MALRD1: variants seen among roughly 807,000 people sequenced by gnomAD.
MALRD1 encodes MAM and LDL receptor class A domain containing 1, also known as MAM and LDL-receptor class A domain-containing protein 1.
A neutral mutation model predicts 242.1 loss-of-function variants in MALRD1; 247 were observed. The observed-to-expected ratio is 1.02, with a 90% confidence interval of 0.92 to 1.13. The LOEUF (loss-of-function observed/expected upper bound fraction) is 1.13, where lower values mean the gene tolerates loss of function less well. MALRD1 is among the 50% of genes most tolerant of loss of function. MALRD1 has a pLI of 0.00. For synonymous variants in MALRD1, 995 were observed against 866.6 expected, an observed-to-expected ratio of 1.15 and a Z score of -2.60; for missense variants, 2,989 against 2,533.1, an observed-to-expected ratio of 1.18 and a Z score of -3.86.
At chr10:19,457,462 G>A (rs1359250758) in intron 29 of MALRD1, among the ~76,000 whole-genome samples, 1 of 152,102 alleles carries the variant, frequency 6.6e-6, no homozygotes, top group African/African-American at 2.4e-5. Flanking sequence ...AAGCTGCCCA[G>A]GGTGGATGTA....
intron 38 of MALRD1, among the ~76,000 whole-genome samples, chr10:19,700,143 A>G (rs1055027244): frequency 6.6e-6 from 1 of 152,040 alleles, no homozygotes; most frequent in Non-Finnish European, 1.5e-5. Flanking sequence ...ACCCACTGCA[A>G]TAGAAGACAC....
At chr10:19,183,087 T>C (rs368524374) in intron 14 of MALRD1, among the ~76,000 whole-genome samples, 14 of 148,938 alleles carry the variant, frequency 9.4e-5, no homozygotes, top group African/African-American at 2.7e-4. Context: ...GCAAACGACC[T>C]CCAGTTCTCT....
chr10:19,650,060 T>G (rs901577861), intron 36 of MALRD1, among the ~76,000 whole-genome samples: 1 of 152,076 alleles, frequency 6.6e-6, no homozygotes, highest in African/African-American at 2.4e-5. Context: ...TAAGCAGATA[T>G]GGAATCTTAG....
At chr10:19,618,332 C>G (rs1315592579) in intron 36 of MALRD1, among the ~76,000 whole-genome samples, 1 of 151,988 alleles carries the variant, frequency 6.6e-6, no homozygotes, top group Non-Finnish European at 1.5e-5. Flanking sequence ...AACTTATATT[C>G]CTTTGGGTAT....
In MALRD1 at chr10:19,209,547, G is replaced by A. The variant is rs762913209; in HGVS notation, c.2858G>A (p.Arg953His). The stretch of plus-strand genomic sequence containing the variant: ...TTCTATTACCACATGTTTGGAAAGC[G>A]CATTTATAGGTTGGCAATCTACCAA... Reference protein sequence around the residue: ...FRFYYHMFGKRIYRLAIYQRI... With the variant: ...FRFYYHMFGKHIYRLAIYQRI... Residue 953 changes from arginine (R) to histidine (H), a missense_variant, in exon 18 of 40, where the codon CGC (arginine) becomes CAC (histidine). By Grantham distance (29) the Arg-to-His change is conservative. Coordinates refer to ENST00000454679, the MANE Select transcript of MALRD1 (RefSeq NM_001142308.3). The A allele has an allele frequency of 7.5e-5, 116 of 1,550,664 alleles. 1 individual carries two copies. In the Admixed American group the frequency reaches 1.2e-3, roughly 16 times the overall value.
Position 19,689,755 on chromosome 10 carries a change from TC to T in MALRD1, c.6138-2526del, listed in dbSNP as rs1842744553. ...GTATGTCATTATTTATTGACATTCATCATTTTATCCCATGACAGTTTTGTGA... is the reference window on the plus strand; with the variant it reads ...GTATGTCATTATTTATTGACATTCATATTTTATCCCATGACAGTTTTGTGA... On this transcript the variant is annotated intron_variant, in intron 36 of 39. Transcript: ENST00000454679. Among the ~76,000 whole-genome samples, 5 of 152,182 alleles carry T rather than the reference TC, an allele frequency of 3.3e-5. No individual in the cohort carries two copies. In the South Asian group the frequency reaches 8.3e-4, roughly 25 times the overall value.
At chr10:19,106,893 T>C (rs535798994) in intron 5 of MALRD1, among the ~76,000 whole-genome samples, 1 of 152,106 alleles carries the variant, frequency 6.6e-6, no homozygotes, top group East Asian at 1.9e-4. Context: ...TGGCTTATTT[T>C]GTTTTTCAGG....
intron 26 of MALRD1, among the ~76,000 whole-genome samples, chr10:19,380,283 T>TC (rs1845783079): frequency 1.3e-5 from 2 of 151,302 alleles, no homozygotes; most frequent in Non-Finnish European, 2.9e-5. Flanking sequence ...CCTTCTTTTT[T>TC]TTTTTTTTTG....
At chr10:19,082,257 C>G (rs890510294) in intron 2 of MALRD1, among the ~76,000 whole-genome samples, 2 of 151,568 alleles carry the variant, frequency 1.3e-5, no homozygotes, top group Non-Finnish European at 2.9e-5. Flanking sequence ...TGGATTAATG[C>G]CAATGTAATT....
rs901704129 is a variant in MALRD1 at position 19,283,193 on chromosome 10, T to C, written c.3419+12T>C. On this transcript the variant is annotated intron_variant, in intron 21 of 39. Coordinates refer to ENST00000454679, the MANE Select transcript of MALRD1 (RefSeq NM_001142308.3). ...GTGGATCATACACAGTAAGTGACCA[T>C]GTATTTTGAATATCTCTCTTGGGAA... is the stretch of plus-strand genomic sequence containing the variant. 48 of 1,515,362 alleles carry C rather than the reference T, an allele frequency of 3.2e-5. No individual in the cohort carries two copies. The highest frequency in any genetic ancestry group is 4.2e-5 in the Non-Finnish European group (47 of 1,128,544). The allele number at this position is 1,515,362 out of a possible 1,614,324, so 93.9% of individuals were successfully genotyped here.
chr10:19,515,892 A>G (rs1833606364), intron 31 of MALRD1, among the ~76,000 whole-genome samples: 1 of 152,142 alleles, frequency 6.6e-6, no homozygotes, highest in African/African-American at 2.4e-5. Context: ...GCTGATAAGA[A>G]CGTTAGAACC....
intron 28 of MALRD1, among the ~76,000 whole-genome samples, chr10:19,431,492 G>C (rs1834125063): frequency 6.6e-6 from 1 of 152,040 alleles, no homozygotes; most frequent in Non-Finnish European, 1.5e-5. Context: ...ACTTTTATGA[G>C]TAGTAACATA....
chr10:19,185,814 AGTGTGT>A (rs5783657), intron 14 of MALRD1, among the ~76,000 whole-genome samples: 17 of 148,372 alleles, frequency 1.1e-4, no homozygotes, highest in Middle Eastern at 3.4e-3. Context: ...GTTTTGAGAT[AGTGTGT>A]GTGTGTGTGT....
chr10:19,363,944 G>C (rs1275947953), intron 26 of MALRD1, among the ~76,000 whole-genome samples: 1 of 152,026 alleles, frequency 6.6e-6, no homozygotes, highest in Non-Finnish European at 1.5e-5. Flanking sequence ...GCATTGCATT[G>C]CAGTAAAAAA....
intron 29 of MALRD1, among the ~76,000 whole-genome samples, chr10:19,482,686 C>CACACACACACAT (rs1837051614): frequency 6.6e-6 from 1 of 151,212 alleles, no homozygotes; most frequent in Non-Finnish European, 1.5e-5. Flanking sequence ...CACACACACA[C>CACACACACACAT]ACACATACAC....
At chr10:19,117,044 G>T (rs1159291655) in intron 5 of MALRD1, among the ~76,000 whole-genome samples, 1 of 150,396 alleles carries the variant, frequency 6.6e-6, no homozygotes, top group Admixed American at 6.6e-5. Context: ...GCAGTGAGCC[G>T]AGATTGTGCC....
intron 32 of MALRD1, among the ~76,000 whole-genome samples, chr10:19,533,305 T>A (rs1233043614): frequency 1.3e-5 from 2 of 152,202 alleles, no homozygotes; most frequent in Non-Finnish European, 2.9e-5. Flanking sequence ...TTACTGGTTT[T>A]TCTAACCAGA....
chr10:19,408,957 G>T (rs548206230), intron 28 of MALRD1, among the ~76,000 whole-genome samples: 1 of 152,292 alleles, frequency 6.6e-6, no homozygotes, highest in Non-Finnish European at 1.5e-5. Context: ...TTATCCCAGA[G>T]AAATGAAGAC....
Position 19,391,355 on chromosome 10 carries a change from T to C in MALRD1, c.4845+1746T>C, listed in dbSNP as rs1589010824. 1.3e-5 allele frequency among the ~76,000 whole-genome samples: 2 copies of C among 152,260 alleles called. 1 individual carries two copies. Among genetic ancestry groups the C allele is most frequent in the East Asian group, 3.9e-4 (2 of 5,184 alleles). On this transcript the variant is annotated intron_variant, in intron 28 of 39. Coordinates refer to ENST00000454679, the MANE Select transcript of MALRD1 (RefSeq NM_001142308.3). ...TGAATATTAGGGCAATCATTTCATC[T>C]TGGTGATTAATAAGATATGTATTTT...
Sources: gnomAD v4.1 joint callset for allele counts (sites outside exome capture counted in the v4.1 genomes callset) on GRCh38, gnomAD v4.1.1 for gene constraint, MANE v1.5 for transcripts, NCBI Gene and HGNC (gene_info 2026-07-23, HGNC 2026-07-21) for gene names.